Variants in FAM174C observed in about 807,000 individuals in gnomAD.
FAM174C encodes protein FAM174C.
Under a neutral mutation model 12.3 loss-of-function variants are expected in FAM174C, and 19 were observed. The ratio of observed to expected loss-of-function variants is 1.55; its 90% CI spans 1.08 to 2.27. The LOEUF (loss-of-function observed/expected upper bound fraction) is 2.27. Ranked by LOEUF, FAM174C falls within the 30% of genes most tolerant of loss-of-function variation. The pLI, the probability that FAM174C is intolerant of heterozygous loss-of-function variation, is 0.00. For missense variants in FAM174C, 239 were observed against 190.2 expected (o/e 1.26, Z -1.51); for synonymous variants, 147 against 103.5 (o/e 1.42, Z -2.55).
intron 1 of FAM174C, chr19:1,276,951 G>C: frequency 6.3e-6 from 3 of 476,006 alleles, no homozygotes; most frequent in Non-Finnish European, 1.0e-5. Flanking sequence ...GGGTCCTGGC[G>C]CAGGGGAGAT....
Position 1,277,167 on chromosome 19 carries a change from C to T in FAM174C, c.282-16C>T, listed in dbSNP as rs1417533151. ...GGCGGGGAGGGGCCACTGACTATGC[C>T]TGGACCTACTTCCAGGTTGAAGAAG... On this transcript the variant is annotated splice_polypyrimidine_tract_variant and intron_variant, in intron 1 of 2. Coordinates refer to ENST00000409293, the MANE Select transcript of FAM174C (RefSeq NM_017914.4). 4 of 1,533,852 alleles carry T rather than the reference C, an allele frequency of 2.6e-6. No individual in the cohort carries two copies. The African/African-American group carries it at 5.5e-5, about 21-fold the overall frequency.
In FAM174C at chr19:1,279,184, C is replaced by G; in HGVS notation, c.*407C>G. On this transcript the variant is annotated 3_prime_UTR_variant, in exon 3 of 3. Transcript: ENST00000409293. ...GACCCAAGGAACCTTTCTGGGAACA[C>G]CTTCTCGCCGGGCTGGGAACAATAA... is the stretch of plus-strand genomic sequence containing the variant. The G allele has an allele frequency of 6.2e-7, 1 of 1,612,368 alleles. No homozygotes were observed.
chr19:1,277,194 C>T lies in FAM174C; in HGVS notation c.293C>T (p.Pro98Leu), dbSNP rs774563106. Residue 98 changes from proline to leucine, a missense_variant, in exon 2 of 3, where the codon CCT (proline) becomes CTT (leucine). Coordinates refer to ENST00000409293, the MANE Select transcript of FAM174C (RefSeq NM_017914.4). Reference sequence around the variant, plus strand: ...GGACCTACTTCCAGGTTGAAGAAGCCTCAGCGGAGGCGATACGGCCTCCTC... The same window carrying T: ...GGACCTACTTCCAGGTTGAAGAAGCTTCAGCGGAGGCGATACGGCCTCCTC... ...FLIRAFRLKK[P>L]QRRRYGLLAN... 6 of 1,541,558 alleles carry T rather than the reference C, an allele frequency of 3.9e-6. No homozygotes were observed. The highest frequency in any genetic ancestry group is 2.7e-5 in the African/African-American group (2 of 72,956).
Position 1,278,780 on chromosome 19 carries a change from C to G in FAM174C, c.*3C>G. On this transcript the variant is annotated 3_prime_UTR_variant, in exon 3 of 3. Coordinates refer to ENST00000409293, the MANE Select transcript of FAM174C (RefSeq NM_017914.4). ...ACCCTTGACCCCCTGCTTTCAGATG[C>G]TGAGCCAGGGAGGCGGCCCTTCCAG... The G allele has an allele frequency of 6.2e-7, 1 of 1,612,702 alleles. No individual in the cohort carries two copies. Among genetic ancestry groups the G allele is most frequent in the Middle Eastern group, 1.7e-4 (1 of 5,962 alleles).
At position 1,279,062 on chromosome 19, in the gene FAM174C, C is replaced by T. The variant is rs777408983; in HGVS notation, c.*285C>T. On this transcript the variant is annotated 3_prime_UTR_variant, in exon 3 of 3. Transcript: ENST00000409293. ...CTGGAGGGACCCCAACAGCCACCGCCCAGGACGCTGAGGCTCCCTTGCCTG... is the reference window on the plus strand; with the variant it reads ...CTGGAGGGACCCCAACAGCCACCGCTCAGGACGCTGAGGCTCCCTTGCCTG... 1.1e-5 allele frequency: 18 copies of T among 1,612,062 alleles called. 1 individual carries two copies. The highest frequency in any genetic ancestry group is 3.3e-4 in the Middle Eastern group (2 of 6,082).
Position 1,275,747 on chromosome 19 carries a change from G to C in FAM174C, c.198G>C (p.Ser66=), listed in dbSNP as rs1418503750. Residue 66 remains serine, a synonymous_variant, in exon 1 of 3, where the codon TCG becomes TCC. Transcript: ENST00000409293. Reference sequence around the variant, plus strand: ...CGCACACGCGTCCGCCGGGGGCGTCGGGCTCGGCGCTGACGCGCTCCTTCT... The same window carrying C: ...CGCACACGCGTCCGCCGGGGGCGTCCGGCTCGGCGCTGACGCGCTCCTTCT... ...NSTHTRPPGA[S]GSALTRSFYV... The C allele has an allele frequency of 6.5e-6, 10 of 1,534,670 alleles. No homozygotes were observed. The highest frequency in any genetic ancestry group is 7.9e-6 in the Non-Finnish European group (9 of 1,144,456).
At position 1,279,174 on chromosome 19, in the gene FAM174C, T is replaced by G. The variant is rs746868575; in HGVS notation, c.*397T>G. 1.9e-6 allele frequency: 3 copies of G among 1,612,808 alleles called. No individual in the cohort carries two copies. Among genetic ancestry groups the G allele is most frequent in the Non-Finnish European group, 2.5e-6 (3 of 1,179,772 alleles). On this transcript the variant is annotated 3_prime_UTR_variant, in exon 3 of 3. Transcript: ENST00000409293. ...GTGGGCAGGTGACCCAAGGAACCTT[T>G]CTGGGAACACCTTCTCGCCGGGCTG...
At chr19:1,278,198 C>CAGGCAGGGTCAGGGA (rs57514820) in intron 2 of FAM174C, among the ~76,000 whole-genome samples, 2 of 152,258 alleles carry the variant, frequency 1.3e-5, no homozygotes, top group Admixed American at 1.3e-4. Flanking sequence ...TGCTTCTGAG[C>CAGGCAGGGTCAGGGA]GGGCGGGGTC....
At chr19:1,277,694 C>T (rs1216805924) in intron 2 of FAM174C, among the ~76,000 whole-genome samples, 1 of 150,890 alleles carries the variant, frequency 6.6e-6, no homozygotes, top group Non-Finnish European at 1.5e-5. Context: ...GGCTGGGTTC[C>T]AGCTCCTTAC....
intron 2 of FAM174C, among the ~76,000 whole-genome samples, chr19:1,278,287 G>A (rs146824773): frequency 0.016 from 569 of 35,296 alleles, 3 homozygotes; most frequent in Non-Finnish European, 0.023. Flanking sequence ...GGGAGCGGCC[G>A]GGCTGCGCAG....
Position 1,275,536 on chromosome 19 carries a change from G to A in FAM174C, c.-14G>A, listed in dbSNP as rs1212510549. 2.6e-6 allele frequency: 3 copies of A among 1,165,420 alleles called. No individual in the cohort carries two copies. Among genetic ancestry groups the A allele is most frequent in the African/African-American group, 3.9e-5 (2 of 50,864 alleles). The allele number at this position is 1,165,420 out of a possible 1,614,324, so 72.2% of individuals were successfully genotyped here. A position where few individuals can be genotyped will look rare whatever the true frequency, so the allele number is the denominator to read the frequency against. ...CGCATAGGGGCGGGGCGCCGCCACCGCTTCCGCCGGGCCATGGGGCCGCGC... is the reference window on the plus strand; with the variant it reads ...CGCATAGGGGCGGGGCGCCGCCACCACTTCCGCCGGGCCATGGGGCCGCGC... On this transcript the variant is annotated 5_prime_UTR_variant, in exon 1 of 3. Coordinates refer to ENST00000409293, the MANE Select transcript of FAM174C (RefSeq NM_017914.4).
rs986983967 is a variant in FAM174C at position 1,275,662 on chromosome 19, CGTT to C, written c.116_118del (p.Leu39del). 125 of 1,429,300 alleles carry C rather than the reference CGTT, an allele frequency of 8.7e-5. No homozygotes were observed. Among genetic ancestry groups the C allele is most frequent in the Non-Finnish European group, 6.6e-5 (73 of 1,104,450 alleles). The allele number at this position is 1,429,300 out of a possible 1,614,324, so 88.5% of individuals were successfully genotyped here. A position where few individuals can be genotyped will look rare whatever the true frequency, so the allele number is the denominator to read the frequency against. Reference sequence around the variant, plus strand: ...TCGCCGCTGCGCCCCGCGCAGGTCACGTTGTCGCCGCCGCCGGCCGTGACGAAC... The same window carrying C: ...TCGCCGCTGCGCCCCGCGCAGGTCACGTCGCCGCCGCCGGCCGTGACGAAC... On this transcript the variant is annotated inframe_deletion, in exon 1 of 3. Transcript: ENST00000409293.
chr19:1,277,144 C>T (rs1216250423), intron 1 of FAM174C, 39 bp from the exon 2 acceptor site: 9 of 1,512,376 alleles, frequency 6.0e-6, no homozygotes, highest in African/African-American at 4.1e-5. Flanking sequence ...GCAGGGTTGG[C>T]GGGGAGGGGC....
rs2081427742 is a variant in FAM174C at position 1,278,943 on chromosome 19, C to T, written c.*166C>T. The T allele has an allele frequency of 6.2e-7, 1 of 1,613,064 alleles. No individual in the cohort carries two copies. The highest frequency in any genetic ancestry group is 1.1e-5 in the South Asian group (1 of 91,090). On this transcript the variant is annotated 3_prime_UTR_variant, in exon 3 of 3. Transcript: ENST00000409293. ...AGAGCTCCTTTTGGAACCTGCACAG[C>T]CCGCCGACCTGTTGCCACCTGCACC...
At chr19:1,276,321 A>C (rs937563549) in intron 1 of FAM174C, 5 of 167,150 alleles carry the variant, frequency 3.0e-5, no homozygotes, top group African/African-American at 4.8e-5. Flanking sequence ...GGGTGCTCCC[A>C]CAGCCCGGGA....
At position 1,275,581 on chromosome 19, in the gene FAM174C, TGCTGCTCCTGCTGGC is replaced by T. The variant is rs990243189; in HGVS notation, c.39_53del (p.Leu15_Leu19del). 5 of 1,234,280 alleles carry T rather than the reference TGCTGCTCCTGCTGGC, an allele frequency of 4.1e-6. No individual in the cohort carries two copies. In the Admixed American group the frequency reaches 1.7e-4, roughly 43 times the overall value. 76.5% of individuals were successfully genotyped at this position (1,234,280 alleles called of 1,614,324 possible). ...CCGCGCGTGCTGCAGCCGCCGCTGC[TGCTGCTCCTGCTGGC>T]GCTGCTGCTGGCGGCGCTGCCGTGC... On this transcript the variant is annotated inframe_deletion, in exon 1 of 3. Transcript: ENST00000409293.
At position 1,279,171 on chromosome 19, in the gene FAM174C, C is replaced by T. The variant is rs534666867; in HGVS notation, c.*394C>T. The T allele has an allele frequency of 4.3e-6, 7 of 1,612,854 alleles. No individual in the cohort carries two copies. Among genetic ancestry groups the T allele is most frequent in the Admixed American group, 3.3e-5 (2 of 59,990 alleles). On this transcript the variant is annotated 3_prime_UTR_variant, in exon 3 of 3. Coordinates refer to ENST00000409293, the MANE Select transcript of FAM174C (RefSeq NM_017914.4). ...TGGGTGGGCAGGTGACCCAAGGAAC[C>T]TTTCTGGGAACACCTTCTCGCCGGG...
At chr19:1,278,408 G>GA (rs1274662984) in intron 2 of FAM174C, among the ~76,000 whole-genome samples, 1 of 152,104 alleles carries the variant, frequency 6.6e-6, no homozygotes, top group African/African-American at 2.4e-5. Context: ...CTGCTGGGGG[G>GA]ACCTTGGCCT....
intron 1 of FAM174C, chr19:1,276,373 G>A (rs1036456940): frequency 3.2e-5 from 5 of 156,260 alleles, no homozygotes; most frequent in Admixed American, 2.5e-4. Context: ...GTCTCCAGCT[G>A]TAGGCAGCCC....
Sources: allele counts gnomAD v4.1 joint callset (sites outside exome capture counted in the v4.1 genomes callset), GRCh38; gene constraint gnomAD v4.1.1; transcripts MANE v1.5; gene names NCBI Gene and HGNC (gene_info 2026-07-23, HGNC 2026-07-21).